MYO6: variants seen among roughly 807,000 people sequenced by gnomAD.
MYO6 encodes myosin VI.
A neutral mutation model predicts 178.7 loss-of-function variants in MYO6; 74 were observed. The ratio of observed to expected loss-of-function variants is 0.41; its 90% CI spans 0.34 to 0.50. MYO6 has a LOEUF of 0.50. Ranked by LOEUF, MYO6 falls within the 20% of genes least tolerant of loss-of-function variation. The probability of loss-of-function intolerance (pLI) is 0.09; values close to 1 mark genes in which losing one functional copy is unlikely to be tolerated. For missense variants in MYO6, 1,330 were observed against 1,547.4 expected (o/e 0.86, Z 2.36); for synonymous variants, 477 against 504.6 (o/e 0.95, Z 0.73).
At chr6:75,777,946 G>A (rs556988550) in intron 1 of MYO6, among the ~76,000 whole-genome samples, 1 of 152,130 alleles carries the variant, frequency 6.6e-6, no homozygotes, top group African/African-American at 2.4e-5. Context: ...CTGATTTAGA[G>A]AAATGGATAT....
At chr6:75,855,084 G>GA in intron 11 of MYO6, 55 bp from the exon 12 acceptor site, 1 of 1,450,838 alleles carries the variant, frequency 6.9e-7, no homozygotes, top group Non-Finnish European at 9.5e-7. Context: ...AATGGGTCTT[G>GA]AAAATCTGGT....
intron 14 of MYO6, among the ~76,000 whole-genome samples, chr6:75,859,720 C>T (rs546151457): frequency 3.1e-5 from 4 of 129,984 alleles, no homozygotes; most frequent in East Asian, 2.4e-4. Context: ...AATGCAGTGG[C>T]GCGATCTCGG....
chr6:75,778,548 G>T (rs1018081699), intron 1 of MYO6, among the ~76,000 whole-genome samples: 1 of 151,708 alleles, frequency 6.6e-6, no homozygotes, highest in African/African-American at 2.4e-5. Context: ...ATTGAGCCCA[G>T]TTAGTGCCGC....
intron 11 of MYO6, among the ~76,000 whole-genome samples, chr6:75,849,064 C>CA (rs1269491499): frequency 1.3e-5 from 2 of 152,154 alleles, no homozygotes; most frequent in Non-Finnish European, 2.9e-5. Flanking sequence ...TCAGTCTGTA[C>CA]ATGAACAGTA....
rs780414821 is a variant in MYO6 at position 75,841,398 on chromosome 6, A to C, written c.816+20A>C. On this transcript the variant is annotated intron_variant, in intron 9 of 34. Coordinates refer to ENST00000369977, the MANE Select transcript of MYO6 (RefSeq NM_004999.4). Reference sequence around the variant, plus strand: ...TTTCGGGTAGGTCAGAAGAAAAGAAATTTCATATAGCCAGGTGCAGTGGCT... The same window carrying C: ...TTTCGGGTAGGTCAGAAGAAAAGAACTTTCATATAGCCAGGTGCAGTGGCT... The C allele has an allele frequency of 3.2e-5, 51 of 1,610,200 alleles. No individual in the cohort carries two copies. Among genetic ancestry groups the C allele is most frequent in the Non-Finnish European group, 4.3e-5 (51 of 1,178,566 alleles).
chr6:75,880,578 A>G (rs1207258183), intron 22 of MYO6, among the ~76,000 whole-genome samples: 2 of 152,360 alleles, frequency 1.3e-5, no homozygotes, highest in East Asian at 3.9e-4. Flanking sequence ...CATGTGGCCC[A>G]TGGACTACAG....
At chr6:75,777,014 T>A (rs1766460534) in intron 1 of MYO6, among the ~76,000 whole-genome samples, 1 of 152,180 alleles carries the variant, frequency 6.6e-6, no homozygotes, top group Non-Finnish European at 1.5e-5. Context: ...TCGATAGGTA[T>A]TCAGATGGTT....
Position 75,774,228 on chromosome 6 carries a change from T to C in MYO6, c.-48+24805T>C, listed in dbSNP as rs201492703. Reference sequence around the variant, plus strand: ...TGCTTTTTTACATAATAAAATGTAATGAACTTATTTTTACATAATAAAATG... The same window carrying C: ...TGCTTTTTTACATAATAAAATGTAACGAACTTATTTTTACATAATAAAATG... On this transcript the variant is annotated intron_variant, in intron 1 of 34. Transcript: ENST00000369977. 2.4e-4 allele frequency among the ~76,000 whole-genome samples: 36 copies of C among 152,334 alleles called. 1 individual carries two copies. In the East Asian group the frequency reaches 5.6e-3, roughly 24 times the overall value.
intron 23 of MYO6, among the ~76,000 whole-genome samples, chr6:75,885,327 A>C (rs973062225): frequency 6.6e-6 from 1 of 152,202 alleles, no homozygotes; most frequent in African/African-American, 2.4e-5. Context: ...TGAGGTCAGG[A>C]ATTCAAGACC....
chr6:75,770,843 A>G (rs1000374384), intron 1 of MYO6, among the ~76,000 whole-genome samples: 11 of 152,078 alleles, frequency 7.2e-5, no homozygotes, highest in African/African-American at 2.7e-4. Flanking sequence ...ATGTCTTTTA[A>G]CTGATTTATC....
chr6:75,917,883 GTT>G lies in MYO6; in HGVS notation c.*2881_*2882del, dbSNP rs397812617. On this transcript the variant is annotated 3_prime_UTR_variant, in exon 35 of 35. Coordinates refer to ENST00000369977, the MANE Select transcript of MYO6 (RefSeq NM_004999.4). ...AGCGATCCAAATATGTAGATCATTG[GTT>G]TTTTTTTTTACCTGAAGTAGCTTAA... 9.5e-3 allele frequency: 1,431 copies of G among 151,214 alleles called. 12 individuals carry two copies. The highest frequency in any genetic ancestry group is 0.016 in the Admixed American group (249 of 15,138). The allele number at this position is 151,214 out of a possible 1,614,324, so 9.4% of individuals were successfully genotyped here. A position where few individuals can be genotyped will look rare whatever the true frequency, so the allele number is the denominator to read the frequency against.
intron 32 of MYO6, among the ~76,000 whole-genome samples, chr6:75,910,728 T>G (rs567671874): frequency 1.6e-4 from 25 of 152,130 alleles, no homozygotes; most frequent in African/African-American, 2.4e-4. Context: ...ATGTTCTTCC[T>G]CATACAAAAT....
rs886343220 is a variant in MYO6, at chr6:75,908,625, A to G, written c.3410A>G (p.Tyr1137Cys). 1 of 1,613,402 alleles carries G rather than the reference A, an allele frequency of 6.2e-7. No homozygotes were observed. Among genetic ancestry groups the G allele is most frequent in the Non-Finnish European group, 8.5e-7 (1 of 1,179,488 alleles). The stretch of plus-strand genomic sequence containing the variant: ...CGTGCTCCAAAGTCTGTTACTGATT[A>G]TGGTAAAGAGAAATCTGTACTTTTG... ...EQRAPKSVTD[Y>C]DFAPFLNNSP... The change falls in exon 32 of 35, where the codon TAT (tyrosine) becomes TGT (cysteine). Residue 1137 changes from tyrosine (Y) to cysteine (C), a missense_variant and splice_region_variant. Tyr to Cys is a radical substitution (Grantham distance 194). Around this residue, in one of 3 missense-constraint regions of MYO6, gnomAD observed 601 missense variants for 626.1 expected, o/e 0.96. Coordinates refer to ENST00000369977, the MANE Select transcript of MYO6 (RefSeq NM_004999.4).
chr6:75,823,914 T>C (rs1408133315), intron 3 of MYO6, among the ~76,000 whole-genome samples: 2 of 152,230 alleles, frequency 1.3e-5, no homozygotes, highest in Non-Finnish European at 2.9e-5. Flanking sequence ...GCTGTTTTTA[T>C]TAGGTGCAAG....
intron 1 of MYO6, among the ~76,000 whole-genome samples, chr6:75,796,737 G>A (rs1768872455): frequency 1.3e-5 from 2 of 151,732 alleles, no homozygotes; most frequent in South Asian, 4.2e-4. Context: ...CAGAGTGCTG[G>A]AATTACAGGC....
intron 2 of MYO6, 71 bp from the exon 3 acceptor site, chr6:75,822,711 C>A: frequency 8.4e-7 from 1 of 1,183,542 alleles, no homozygotes; most frequent in South Asian, 1.2e-5. Flanking sequence ...TGTATGCAAC[C>A]AATTAAGCCC....
intron 1 of MYO6, among the ~76,000 whole-genome samples, chr6:75,782,881 C>CCTTGATAA (rs1401510549): frequency 6.7e-6 from 1 of 150,338 alleles, no homozygotes; most frequent in Non-Finnish European, 1.5e-5. Flanking sequence ...AAGTGATAGT[C>CCTTGATAA]CTTGATAATC....
chr6:75,912,640 G>C, intron 33 of MYO6, among the ~76,000 whole-genome samples: 1 of 152,070 alleles, frequency 6.6e-6, no homozygotes, highest in East Asian at 1.9e-4. Context: ...TAAATTTCCT[G>C]TAAACTGGAC....
At chr6:75,823,548 T>A (rs1193858938) in intron 3 of MYO6, among the ~76,000 whole-genome samples, 1 of 152,196 alleles carries the variant, frequency 6.6e-6, no homozygotes, top group African/African-American at 2.4e-5. Flanking sequence ...TTATGTACAG[T>A]TGTCAAGGTA....
Sources: allele counts gnomAD v4.1 joint callset (sites outside exome capture counted in the v4.1 genomes callset), GRCh38; gene constraint gnomAD v4.1.1; regional missense constraint gnomAD v4.1.1; transcripts MANE v1.5; gene names NCBI Gene and HGNC (gene_info 2026-07-23, HGNC 2026-07-21).